DNAH9: variants seen among roughly 807,000 people sequenced by gnomAD.
DNAH9 encodes DNAH9 variant protein.
Under a neutral mutation model 471.6 loss-of-function variants are expected in DNAH9, and 345 were observed. The ratio of observed to expected loss-of-function variants is 0.73; its 90% CI spans 0.67 to 0.80. DNAH9 has a LOEUF of 0.80. DNAH9 is among the 30% of genes least tolerant of loss of function. The pLI is 0.00. For missense variants in DNAH9, 5,407 were observed against 5,609.2 expected, an observed-to-expected ratio of 0.96 and a Z score of 1.15; for synonymous variants, 2,093 against 2,123.6, an observed-to-expected ratio of 0.99 and a Z score of 0.40.
chr17:11,676,463 A>G (rs796483672), intron 17 of DNAH9, among the ~76,000 whole-genome samples: 10 of 151,326 alleles, frequency 6.6e-5, no homozygotes, highest in African/African-American at 2.2e-4. Flanking sequence ...TGTATTTTTT[A>G]GTAGAGACAG....
intron 61 of DNAH9, among the ~76,000 whole-genome samples, chr17:11,915,332 T>C (rs1973912197): frequency 6.6e-6 from 1 of 152,152 alleles, no homozygotes; most frequent in African/African-American, 2.4e-5. Context: ...GATACCAACC[T>C]GTCCAACATG....
intron 67 of DNAH9, among the ~76,000 whole-genome samples, chr17:11,945,338 A>G (rs954311536): frequency 3.4e-4 from 52 of 151,942 alleles, no homozygotes; most frequent in African/African-American, 1.2e-3. Context: ...GGAGTTCAAG[A>G]CCAGCCTGGC....
chr17:11,646,704 G>A (rs532232191), intron 11 of DNAH9, among the ~76,000 whole-genome samples: 1 of 152,044 alleles, frequency 6.6e-6, no homozygotes, highest in Non-Finnish European at 1.5e-5. Flanking sequence ...ACCTGAGGTC[G>A]GGAGCTCGAG....
chr17:11,718,292 C>G (rs960315346), intron 26 of DNAH9, among the ~76,000 whole-genome samples: 1 of 152,222 alleles, frequency 6.6e-6, no homozygotes, highest in Non-Finnish European at 1.5e-5. Context: ...AAGAGTATTA[C>G]ACTCTACGAA....
chr17:11,881,067 A>G, intron 54 of DNAH9, 142 bp from the exon 55 acceptor site: 1 of 793,462 alleles, frequency 1.3e-6, no homozygotes. Flanking sequence ...CATTAGTGCA[A>G]AAAAGAATCC....
chr17:11,609,628 T>G (rs1332729906), intron 2 of DNAH9, among the ~76,000 whole-genome samples: 1 of 152,240 alleles, frequency 6.6e-6, no homozygotes, highest in Non-Finnish European at 1.5e-5. Context: ...CCTCTTTCTT[T>G]GTCGTTGTGT....
At chr17:11,666,138 C>T (rs112398176) in intron 15 of DNAH9, among the ~76,000 whole-genome samples, 5 of 152,208 alleles carry the variant, frequency 3.3e-5, no homozygotes, top group African/African-American at 9.6e-5. Flanking sequence ...GGAACACGGG[C>T]ACCAAGTCTG....
At chr17:11,876,477 AAAG>A in intron 53 of DNAH9, among the ~76,000 whole-genome samples, 1 of 150,994 alleles carries the variant, frequency 6.6e-6, no homozygotes. Flanking sequence ...AAGTTAAAAA[AAAG>A]GGAAAAAATT....
chr17:11,632,284 G>A (rs887245912), intron 7 of DNAH9, among the ~76,000 whole-genome samples: 1 of 152,170 alleles, frequency 6.6e-6, no homozygotes, highest in Non-Finnish European at 1.5e-5. Flanking sequence ...ATGTGAGCTG[G>A]TGTTATGAGT....
rs781443832 is a variant in DNAH9 at position 11,636,763 on chromosome 17, G to A, written c.1765G>A (p.Val589Ile). The A allele has an allele frequency of 1.7e-5, 27 of 1,614,002 alleles. No individual in the cohort carries two copies. The highest frequency in any genetic ancestry group is 2.2e-5 in the Non-Finnish European group (26 of 1,179,990). The change falls in exon 9 of 69, where the codon GTC becomes ATC. Residue 589 changes from valine (V) to isoleucine (I), a missense_variant. This residue lies in a region of DNAH9 where 4,636 missense variants were observed against 4,900.3 expected (regional missense o/e 0.95). Coordinates refer to ENST00000262442, the MANE Select transcript of DNAH9 (RefSeq NM_001372.4). Reference sequence around the variant, plus strand: ...AGTGAGGATGATCTACAGTCAGCACGTCCAGGAGGAAGCAGAACTTGGTAG... The same window carrying A: ...AGTGAGGATGATCTACAGTCAGCACATCCAGGAGGAAGCAGAACTTGGTAG... The part of the protein sequence containing the change: ...DAVRMIYSQH[V>I]QEEAELGFSP...
chr17:11,677,929 G>T (rs1263059267), intron 17 of DNAH9, among the ~76,000 whole-genome samples: 1 of 151,250 alleles, frequency 6.6e-6, no homozygotes, highest in South Asian at 2.1e-4. Context: ...CATGTCTCCT[G>T]TTCATCCATC....
At chr17:11,602,773 A>T (rs896364063) in intron 1 of DNAH9, among the ~76,000 whole-genome samples, 2 of 152,024 alleles carry the variant, frequency 1.3e-5, no homozygotes, top group African/African-American at 2.4e-5. Flanking sequence ...AGCCCCTCCC[A>T]TGGCCATTTC....
At chr17:11,711,687 T>C (rs1381248915) in intron 26 of DNAH9, among the ~76,000 whole-genome samples, 1 of 151,276 alleles carries the variant, frequency 6.6e-6, no homozygotes, top group African/African-American at 2.4e-5. Flanking sequence ...TTGATTGGCA[T>C]GCCTTAATAC....
chr17:11,739,048 G>A lies in DNAH9; in HGVS notation c.5972+11G>A. 1 of 1,568,180 alleles carries A rather than the reference G, an allele frequency of 6.4e-7. No individual in the cohort carries two copies. Among genetic ancestry groups the A allele is most frequent in the Non-Finnish European group, 8.7e-7 (1 of 1,150,802 alleles). ...CAAGTCTCTCTTCAGGTGAGTGTCA[G>A]TTCTGCCCCATGCAAAAGCCCCAAA... On this transcript the variant is annotated intron_variant, in intron 29 of 68. Coordinates refer to ENST00000262442, the MANE Select transcript of DNAH9 (RefSeq NM_001372.4).
In DNAH9 at chr17:11,715,295, C is replaced by G. The variant is rs149533089; in HGVS notation, c.5553-4039C>G. On this transcript the variant is annotated intron_variant, in intron 26 of 68. Transcript: ENST00000262442. ...CAAGGCACTTTCAAATATCTTGTCT[C>G]ATAGTATCCTCATAAGACCCTGGTG... Among the ~76,000 whole-genome samples, 203 of 152,306 alleles carry G rather than the reference C, an allele frequency of 1.3e-3. 1 individual carries two copies. The highest frequency in any genetic ancestry group is 4.2e-3 in the Admixed American group (65 of 15,302).
chr17:11,778,615 A>G (rs1197838141), intron 38 of DNAH9, among the ~76,000 whole-genome samples: 2 of 151,842 alleles, frequency 1.3e-5, no homozygotes, highest in East Asian at 3.9e-4. Context: ...ACATCTTACC[A>G]TTTGGGAAGA....
chr17:11,780,435 G>T (rs1968626168), intron 38 of DNAH9, among the ~76,000 whole-genome samples: 3 of 152,222 alleles, frequency 2.0e-5, no homozygotes, highest in Admixed American at 2.0e-4. Flanking sequence ...CCTGGAAGGG[G>T]AGCGGCAGCC....
intron 38 of DNAH9, among the ~76,000 whole-genome samples, chr17:11,770,570 T>C (rs1204505143): frequency 6.6e-6 from 1 of 152,004 alleles, no homozygotes; most frequent in African/African-American, 2.4e-5. Context: ...TATTTCAAAC[T>C]CACCTCTAGA....
intron 38 of DNAH9, among the ~76,000 whole-genome samples, chr17:11,777,075 A>T (rs1166959161): frequency 6.6e-6 from 1 of 152,154 alleles, no homozygotes; most frequent in Admixed American, 6.5e-5. Flanking sequence ...CTGTAGCCTG[A>T]TATCTGTTTT....
Sources: gnomAD v4.1 joint callset for allele counts (sites outside exome capture counted in the v4.1 genomes callset) on GRCh38, gnomAD v4.1.1 for gene constraint, gnomAD v4.1.1 regional missense constraint, MANE v1.5 for transcripts, NCBI Gene and HGNC (gene_info 2026-07-23, HGNC 2026-07-21) for gene names.